The following KHDRBS2 variants were observed in gnomAD, a reference collection of about 807,000 sequenced individuals.
The protein encoded by KHDRBS2 is KH RNA binding domain containing, signal transduction associated 2.
Under a neutral mutation model 44.3 loss-of-function variants are expected in KHDRBS2, and 26 were observed. That is an observed-to-expected ratio of 0.59 (90% confidence interval 0.43 to 0.81). The LOEUF (loss-of-function observed/expected upper bound fraction) is 0.81. KHDRBS2 is among the 40% of genes least tolerant of loss of function. KHDRBS2 has a pLI of 0.00. For missense variants in KHDRBS2, 476 were observed against 433.1 expected, an observed-to-expected ratio of 1.10 and a Z score of -0.88; for synonymous variants, 194 against 151.1, an observed-to-expected ratio of 1.28 and a Z score of -2.08.
intron 6 of KHDRBS2, among the ~76,000 whole-genome samples, chr6:61,800,212 A>T (rs1786040819): frequency 6.6e-6 from 1 of 152,094 alleles, no homozygotes; most frequent in Non-Finnish European, 1.5e-5. Flanking sequence ...TTTCAAAGGG[A>T]ATGATTAAGA....
At chr6:61,759,974 T>C (rs1779040364) in intron 6 of KHDRBS2, among the ~76,000 whole-genome samples, 1 of 152,238 alleles carries the variant, frequency 6.6e-6, no homozygotes. Flanking sequence ...CTTGATTTAC[T>C]GTAAACAAAT....
intron 4 of KHDRBS2, among the ~76,000 whole-genome samples, chr6:61,955,060 G>A (rs1766262292): frequency 7.0e-6 from 1 of 142,504 alleles, no homozygotes; most frequent in African/African-American, 2.6e-5. Context: ...ATATATGTAT[G>A]TATACACATA....
chr6:62,183,194 G>T, intron 1 of KHDRBS2, among the ~76,000 whole-genome samples: 1 of 151,512 alleles, frequency 6.6e-6, no homozygotes, highest in Non-Finnish European at 1.5e-5. Flanking sequence ...TTTATGATTG[G>T]CACATTGTTG....
intron 6 of KHDRBS2, among the ~76,000 whole-genome samples, chr6:61,777,483 T>C (rs556278034): frequency 2.0e-5 from 3 of 152,160 alleles, no homozygotes; most frequent in South Asian, 4.2e-4. Context: ...TTATTTTGCT[T>C]CTCCCTTGCA....
chr6:61,983,718 G>A (rs974563051), intron 3 of KHDRBS2, among the ~76,000 whole-genome samples: 1 of 152,044 alleles, frequency 6.6e-6, no homozygotes, highest in African/African-American at 2.4e-5. Context: ...GCTTCACTTA[G>A]GTTATAATCA....
intron 6 of KHDRBS2, among the ~76,000 whole-genome samples, chr6:61,855,954 G>T (rs1018951291): frequency 2.0e-5 from 3 of 151,860 alleles, no homozygotes; most frequent in Non-Finnish European, 4.4e-5. Flanking sequence ...TAAACTACTT[G>T]CACTCAAATC....
intron 3 of KHDRBS2, among the ~76,000 whole-genome samples, chr6:62,025,929 T>G (rs1783227063): frequency 6.6e-6 from 1 of 152,114 alleles, no homozygotes; most frequent in Non-Finnish European, 1.5e-5. Flanking sequence ...TTAAAAAGTA[T>G]TTCTCATAAG....
chr6:61,877,567 C>G (rs1206605263), intron 6 of KHDRBS2, among the ~76,000 whole-genome samples: 1 of 151,654 alleles, frequency 6.6e-6, no homozygotes, highest in East Asian at 1.9e-4. Context: ...TGAGGAGCTG[C>G]AGAGGCTCTG....
chr6:61,549,587 T>C, the KHDRBS2 span, among the ~76,000 whole-genome samples: 3 of 152,240 alleles, frequency 2.0e-5, no homozygotes, highest in African/African-American at 7.2e-5. Flanking sequence ...TCTGCCTGCC[T>C]TCTATTGCTA....
the KHDRBS2 span, among the ~76,000 whole-genome samples, chr6:61,663,130 C>T: frequency 6.6e-6 from 1 of 150,648 alleles, no homozygotes; most frequent in African/African-American, 2.4e-5. Context: ...AACCATCATT[C>T]TAAGCAAACT....
chr6:62,045,178 G>A (rs750633248), intron 3 of KHDRBS2, among the ~76,000 whole-genome samples: 1 of 151,960 alleles, frequency 6.6e-6, no homozygotes, highest in Non-Finnish European at 1.5e-5. Context: ...AAGAATGAAG[G>A]TGAGCCAGTG....
At chr6:61,992,718 C>T (rs1297094821) in intron 3 of KHDRBS2, among the ~76,000 whole-genome samples, 1 of 152,178 alleles carries the variant, frequency 6.6e-6, no homozygotes, top group Non-Finnish European at 1.5e-5. Context: ...ATAATCTCTA[C>T]ACACATTTGT....
At chr6:62,054,647 T>C (rs926376088) in intron 2 of KHDRBS2, among the ~76,000 whole-genome samples, 4 of 152,020 alleles carry the variant, frequency 2.6e-5, no homozygotes, top group Non-Finnish European at 5.9e-5. Flanking sequence ...GGGATACAAT[T>C]GCTGGCTTTG....
At chr6:61,954,494 T>C (rs753948128) in intron 4 of KHDRBS2, among the ~76,000 whole-genome samples, 24 of 140,324 alleles carry the variant, frequency 1.7e-4, no homozygotes, top group Non-Finnish European at 3.4e-4. Context: ...TGCGTATGTA[T>C]GTATGCATAA....
At chr6:61,820,843 T>G (rs1789787991) in intron 6 of KHDRBS2, among the ~76,000 whole-genome samples, 1 of 152,036 alleles carries the variant, frequency 6.6e-6, no homozygotes, top group Non-Finnish European at 1.5e-5. Context: ...CAGGTTATTT[T>G]GGAGATAAAT....
chr6:62,108,496 G>T (rs1804099081), intron 2 of KHDRBS2, among the ~76,000 whole-genome samples: 1 of 152,124 alleles, frequency 6.6e-6, no homozygotes, highest in South Asian at 2.1e-4. Flanking sequence ...TACACTGTTG[G>T]TGGGACTGTA....
chr6:61,820,765 T>TA (rs1789771040), intron 6 of KHDRBS2, among the ~76,000 whole-genome samples: 1 of 152,156 alleles, frequency 6.6e-6, no homozygotes, highest in Admixed American at 6.6e-5. Context: ...GCAGATTTCT[T>TA]ATGGTCTTCT....
At chr6:62,020,105 ATATGT>A (rs1781977935) in intron 3 of KHDRBS2, among the ~76,000 whole-genome samples, 3 of 151,862 alleles carry the variant, frequency 2.0e-5, no homozygotes, top group Admixed American at 6.6e-5. Flanking sequence ...TTGTATTCTG[ATATGT>A]TATATGTTCA....
intron 1 of KHDRBS2, among the ~76,000 whole-genome samples, chr6:62,257,405 A>C (rs1177632865): frequency 6.6e-6 from 1 of 152,042 alleles, no homozygotes; most frequent in Non-Finnish European, 1.5e-5. Flanking sequence ...CTCTATTAAA[A>C]CTATCAAACT....
Sources: gnomAD v4.1 joint callset for allele counts (sites outside exome capture counted in the v4.1 genomes callset) on GRCh38, gnomAD v4.1.1 for gene constraint, MANE v1.5 for transcripts, NCBI Gene and HGNC (gene_info 2026-07-23, HGNC 2026-07-21) for gene names.